The following MACROD1 variants were observed in gnomAD, a reference collection of about 807,000 sequenced individuals.
MACROD1 encodes ADP-ribose glycohydrolase MACROD1.
A neutral mutation model predicts 41.4 loss-of-function variants in MACROD1; 31 were observed. The ratio of observed to expected loss-of-function variants is 0.75; its 90% CI spans 0.56 to 1.01. MACROD1 has a LOEUF of 1.01. MACROD1 is among the 50% of genes least tolerant of loss of function. The pLI is 0.00. For synonymous variants in MACROD1, 252 were observed against 203.4 expected, an observed-to-expected ratio of 1.24 and a Z score of -2.03; for missense variants, 473 against 460.0, an observed-to-expected ratio of 1.03 and a Z score of -0.26.
chr11:64,093,567 C>T (rs1944527296), intron 3 of MACROD1, among the ~76,000 whole-genome samples: 1 of 152,178 alleles, frequency 6.6e-6, no homozygotes, highest in Non-Finnish European at 1.5e-5. Context: ...TCCATCCCTC[C>T]CAGTCCTTCC....
intron 3 of MACROD1, among the ~76,000 whole-genome samples, chr11:64,077,550 A>AG (rs942526505): frequency 4.3e-4 from 64 of 149,132 alleles, no homozygotes; most frequent in Admixed American, 1.1e-3. Flanking sequence ...GGGGCGGGGC[A>AG]GGGGGGGTCC....
At chr11:64,089,059 C>T (rs930003631) in intron 3 of MACROD1, among the ~76,000 whole-genome samples, 4 of 152,188 alleles carry the variant, frequency 2.6e-5, no homozygotes, top group South Asian at 4.1e-4. Flanking sequence ...CGTGCCCCGC[C>T]GGCTGTCCTC....
At chr11:64,148,347 C>T (rs1293187429) in intron 3 of MACROD1, among the ~76,000 whole-genome samples, 3 of 152,132 alleles carry the variant, frequency 2.0e-5, no homozygotes, top group Non-Finnish European at 2.9e-5. Context: ...GCCCAGGCAG[C>T]GACAGCCCCT....
At chr11:64,151,694 C>T (rs1388786422) in intron 2 of MACROD1, among the ~76,000 whole-genome samples, 1 of 152,202 alleles carries the variant, frequency 6.6e-6, no homozygotes, top group Non-Finnish European at 1.5e-5. Flanking sequence ...CTCACCAACA[C>T]ACCCCACTGT....
At chr11:64,048,882 C>A (rs992855179) in intron 3 of MACROD1, among the ~76,000 whole-genome samples, 3 of 152,224 alleles carry the variant, frequency 2.0e-5, no homozygotes, top group Non-Finnish European at 4.4e-5. Flanking sequence ...CCAAAGCCGC[C>A]CTTGCCCTGT....
intron 1 of MACROD1, among the ~76,000 whole-genome samples, chr11:64,165,132 G>T (rs566304239): frequency 6.6e-6 from 1 of 152,246 alleles, no homozygotes; most frequent in Non-Finnish European, 1.5e-5. Flanking sequence ...CAGAGTGCGG[G>T]CTTGGGGTGG....
chr11:64,105,964 G>A (rs528314302), intron 3 of MACROD1, among the ~76,000 whole-genome samples: 8 of 113,418 alleles, frequency 7.1e-5, no homozygotes, highest in African/African-American at 2.7e-4. Flanking sequence ...ATCCGTGAGT[G>A]TATCTGTGGG....
intron 4 of MACROD1, among the ~76,000 whole-genome samples, chr11:64,007,066 C>G (rs1942924816): frequency 6.6e-6 from 1 of 152,184 alleles, no homozygotes; most frequent in Admixed American, 6.5e-5. Flanking sequence ...GAATAAAATC[C>G]TCAACTCCAA....
chr11:64,045,998 C>T (rs2036269), intron 3 of MACROD1, among the ~76,000 whole-genome samples: 3,684 of 152,270 alleles, frequency 0.024, 147 homozygotes, highest in African/African-American at 0.083. Flanking sequence ...AAACATGTCA[C>T]GTACAGTACT....
chr11:64,150,181 G>A (rs147706376), intron 3 of MACROD1, among the ~76,000 whole-genome samples: 5 of 152,362 alleles, frequency 3.3e-5, no homozygotes, highest in African/African-American at 4.8e-5. Context: ...GGCCCGGGGC[G>A]GCCGAGTGAA....
intron 3 of MACROD1, among the ~76,000 whole-genome samples, chr11:64,109,019 A>G (rs1271218501): frequency 6.6e-6 from 1 of 152,128 alleles, no homozygotes; most frequent in African/African-American, 2.4e-5. Context: ...GTGAGCATGT[A>G]CTTGTCTTTC....
intron 3 of MACROD1, among the ~76,000 whole-genome samples, chr11:64,028,465 G>A (rs954257184): frequency 1.3e-5 from 2 of 152,272 alleles, no homozygotes; most frequent in African/African-American, 2.4e-5. Context: ...GGTGGAGGGA[G>A]GTGGGAGGCA....
chr11:64,156,540 G>A (rs1024968443), intron 1 of MACROD1, among the ~76,000 whole-genome samples: 65 of 152,218 alleles, frequency 4.3e-4, no homozygotes, highest in Admixed American at 2.9e-3. Context: ...CACCTCAGGT[G>A]CCCTAGCAGA....
intron 1 of MACROD1, among the ~76,000 whole-genome samples, chr11:64,157,180 C>A (rs1304387845): frequency 6.6e-6 from 1 of 152,128 alleles, no homozygotes; most frequent in Non-Finnish European, 1.5e-5. Flanking sequence ...GCAACCTCTG[C>A]CTCCTGGGTT....
At position 64,054,081 on chromosome 11, in the gene MACROD1, G is replaced by A. The variant is rs1388934482; in HGVS notation, c.518-38800C>T. On this transcript the variant is annotated intron_variant, in intron 3 of 10. Coordinates refer to ENST00000255681, the MANE Select transcript of MACROD1 (RefSeq NM_014067.4). ...GCAAGCAGCTGTCACCTCCACCTGC[G>A]AATGGGGATGAGGATCCCAGCTCCA... Among the ~76,000 whole-genome samples, 4 of 152,174 alleles carry A rather than the reference G, an allele frequency of 2.6e-5. No individual in the cohort carries two copies. In the East Asian group the frequency reaches 5.8e-4, roughly 22 times the overall value.
chr11:64,035,904 C>G (rs1472926376), intron 3 of MACROD1: 1 of 146,616 alleles, frequency 6.8e-6, no homozygotes, highest in Non-Finnish European at 1.5e-5. Context: ...CCCGGGCACA[C>G]GCACCCCGCC....
chr11:64,052,025 A>C (rs1355563900), intron 3 of MACROD1, among the ~76,000 whole-genome samples: 5 of 148,600 alleles, frequency 3.4e-5, no homozygotes, highest in Non-Finnish European at 7.5e-5. Flanking sequence ...TTGCTAATGA[A>C]CTTGGCTGGT....
chr11:64,131,216 C>A (rs926910600), intron 3 of MACROD1, among the ~76,000 whole-genome samples: 1 of 152,232 alleles, frequency 6.6e-6, no homozygotes, highest in African/African-American at 2.4e-5. Context: ...GGTGAGGACA[C>A]CCTGACTCTC....
At chr11:64,116,543 G>A in intron 3 of MACROD1, 1 of 1,613,994 alleles carries the variant, frequency 6.2e-7, no homozygotes. Context: ...AGAACAACCA[G>A]ATCAACAACG....
Sources: allele counts gnomAD v4.1 joint callset (sites outside exome capture counted in the v4.1 genomes callset), GRCh38; gene constraint gnomAD v4.1.1; transcripts MANE v1.5; gene names NCBI Gene and HGNC (gene_info 2026-07-23, HGNC 2026-07-21).